Variants in AGBL1 observed in about 807,000 individuals in gnomAD.
The protein encoded by AGBL1 is AGBL carboxypeptidase 1.
Under a neutral mutation model 118.9 loss-of-function variants are expected in AGBL1, and 130 were observed. That is an observed-to-expected ratio of 1.09 (90% confidence interval 0.95 to 1.26). The LOEUF (loss-of-function observed/expected upper bound fraction) is 1.26. AGBL1 is among the 50% of genes most tolerant of loss of function. The pLI, the probability that AGBL1 is intolerant of heterozygous loss-of-function variation, is 0.00. For synonymous variants in AGBL1, 555 were observed against 478.9 expected, an observed-to-expected ratio of 1.16 and a Z score of -2.08; for missense variants, 1,584 against 1,298.1, an observed-to-expected ratio of 1.22 and a Z score of -3.38.
At chr15:86,290,077 A>G (rs554818607) in intron 16 of AGBL1, among the ~76,000 whole-genome samples, 5 of 152,338 alleles carry the variant, frequency 3.3e-5, no homozygotes, top group Non-Finnish European at 7.3e-5. Flanking sequence ...AGTTGAAAAC[A>G]TTAACATTTT....
chr15:86,597,312 T>C (rs1434902239), intron 21 of AGBL1, among the ~76,000 whole-genome samples: 1 of 152,200 alleles, frequency 6.6e-6, no homozygotes, highest in Admixed American at 6.5e-5. Context: ...TATACAGTGA[T>C]GTGCTAGAGC....
intron 22 of AGBL1, among the ~76,000 whole-genome samples, chr15:86,791,942 G>A (rs532610776): frequency 6.6e-6 from 1 of 152,024 alleles, no homozygotes; most frequent in African/African-American, 2.4e-5. Context: ...TGCCATGTTG[G>A]CCAGGCTGGT....
intron 22 of AGBL1, among the ~76,000 whole-genome samples, chr15:86,768,861 G>C (rs1286900058): frequency 6.6e-6 from 1 of 151,834 alleles, no homozygotes; most frequent in Non-Finnish European, 1.5e-5. Flanking sequence ...AAATATAATA[G>C]GTACCCTTTA....
At chr15:86,536,961 A>G (rs2083434940) in intron 19 of AGBL1, among the ~76,000 whole-genome samples, 1 of 152,212 alleles carries the variant, frequency 6.6e-6, no homozygotes, top group Non-Finnish European at 1.5e-5. Context: ...TAAACACAGC[A>G]AGGTAGCAAT....
At chr15:86,395,586 G>C (rs1024098773) in intron 17 of AGBL1, among the ~76,000 whole-genome samples, 2 of 152,022 alleles carry the variant, frequency 1.3e-5, no homozygotes, top group Admixed American at 6.6e-5. Context: ...GCAGTTCTTG[G>C]AATATGCTCA....
At chr15:86,430,713 T>G (rs777267413) in intron 18 of AGBL1, among the ~76,000 whole-genome samples, 1 of 152,146 alleles carries the variant, frequency 6.6e-6, no homozygotes, top group Non-Finnish European at 1.5e-5. Flanking sequence ...GAGAATTAAC[T>G]TTGCTCTGAA....
chr15:86,795,335 T>G (rs2078554164), intron 22 of AGBL1, among the ~76,000 whole-genome samples: 1 of 152,082 alleles, frequency 6.6e-6, no homozygotes, highest in Admixed American at 6.6e-5. Flanking sequence ...TTATAAAGCC[T>G]TCTGGGAATG....
At chr15:86,229,513 G>T (rs1242313640) in intron 6 of AGBL1, among the ~76,000 whole-genome samples, 4 of 152,132 alleles carry the variant, frequency 2.6e-5, no homozygotes, top group African/African-American at 9.7e-5. Flanking sequence ...TGAGATTTGG[G>T]CGGGGACACA....
At chr15:86,924,524 G>A (rs2080511502) in intron 23 of AGBL1, among the ~76,000 whole-genome samples, 1 of 152,150 alleles carries the variant, frequency 6.6e-6, no homozygotes, top group African/African-American at 2.4e-5. Flanking sequence ...GAATGTGGAG[G>A]GTGCTCAGCA....
At chr15:86,452,915 C>T (rs141946427) in intron 18 of AGBL1, among the ~76,000 whole-genome samples, 5 of 152,270 alleles carry the variant, frequency 3.3e-5, no homozygotes, top group African/African-American at 9.6e-5. Context: ...GGTATGTACC[C>T]GGTCTGCTCT....
intron 17 of AGBL1, among the ~76,000 whole-genome samples, chr15:86,339,237 T>C (rs939145651): frequency 1.3e-5 from 2 of 152,194 alleles, no homozygotes; most frequent in Non-Finnish European, 2.9e-5. Flanking sequence ...TTTTCCCCGA[T>C]AGGTAAGGTG....
intron 21 of AGBL1, among the ~76,000 whole-genome samples, chr15:86,575,795 G>A (rs1188706765): frequency 6.6e-6 from 1 of 151,942 alleles, no homozygotes; most frequent in African/African-American, 2.4e-5. Flanking sequence ...CAGGGTCTTG[G>A]TATGTTGCCT....
At chr15:86,143,240 A>G (rs1251771627) in intron 2 of AGBL1, among the ~76,000 whole-genome samples, 1 of 152,104 alleles carries the variant, frequency 6.6e-6, no homozygotes, top group Non-Finnish European at 1.5e-5. Context: ...GAAGGCTAGC[A>G]TCAGAAAATC....
chr15:86,123,671 T>C (rs151280041), intron 1 of AGBL1, among the ~76,000 whole-genome samples: 74 of 152,354 alleles, frequency 4.9e-4, no homozygotes, highest in African/African-American at 1.7e-3. Context: ...TGCTTCTAGT[T>C]GTCTCACCTT....
At chr15:86,400,222 G>C (rs2081424072) in intron 18 of AGBL1, among the ~76,000 whole-genome samples, 1 of 152,020 alleles carries the variant, frequency 6.6e-6, no homozygotes. Context: ...TTTGATCTTT[G>C]TCCTGTGAGC....
At chr15:86,566,545 C>T (rs1330211126) in intron 21 of AGBL1, among the ~76,000 whole-genome samples, 1 of 151,992 alleles carries the variant, frequency 6.6e-6, no homozygotes, top group African/African-American at 2.4e-5. Context: ...TAGCAGGGAA[C>T]CTCCTAGGTT....
intron 19 of AGBL1, among the ~76,000 whole-genome samples, chr15:86,537,376 G>C (rs556252479): frequency 6.6e-6 from 1 of 152,360 alleles, no homozygotes; most frequent in South Asian, 2.1e-4. Context: ...GATGGCAAAG[G>C]CCTCTCAGGC....
chr15:86,798,554 T>C lies in AGBL1; in HGVS notation c.3159-108533T>C, dbSNP rs556635434. On this transcript the variant is annotated intron_variant, in intron 22 of 22. Transcript: ENST00000614907. ...TATTGAATGAGCCACTATTCTATAA[T>C]AGCAATGAACTAGACACTTTACCTG... is the stretch of plus-strand genomic sequence containing the variant. Among the ~76,000 whole-genome samples the C allele has an allele frequency of 2.0e-5, 3 of 152,180 alleles. No individual in the cohort carries two copies. In the Middle Eastern group the frequency reaches 0.01, roughly 518 times the overall value.
intron 17 of AGBL1, among the ~76,000 whole-genome samples, chr15:86,372,988 C>T (rs1213796100): frequency 6.6e-6 from 1 of 152,120 alleles, no homozygotes; most frequent in Non-Finnish European, 1.5e-5. Context: ...ACCCTGTAAC[C>T]CCTCCTTTTC....
Sources: allele counts gnomAD v4.1 joint callset (sites outside exome capture counted in the v4.1 genomes callset), GRCh38; gene constraint gnomAD v4.1.1; transcripts MANE v1.5; gene names NCBI Gene and HGNC (gene_info 2026-07-23, HGNC 2026-07-21).